The following SDHAF4 variants were observed in gnomAD, a reference collection of about 807,000 sequenced individuals.
SDHAF4 encodes the protein succinate dehydrogenase assembly factor 4, mitochondrial.
In SDHAF4, 14 loss-of-function variants were observed where a neutral mutation model predicts 14.3. The ratio of observed to expected loss-of-function variants is 0.98; its 90% confidence interval spans 0.65 to 1.53. SDHAF4 has a LOEUF of 1.53. SDHAF4 is among the 40% of genes most tolerant of loss of function. The pLI is 0.00. For synonymous variants in SDHAF4, 63 were observed against 47.3 expected (o/e 1.33, Z -1.36); for missense variants, 141 against 129.3 (o/e 1.09, Z -0.44).
At chr6:70,585,352 A>G (rs759049199) in intron 2 of SDHAF4, among the ~76,000 whole-genome samples, 3 of 152,188 alleles carry the variant, frequency 2.0e-5, no homozygotes, top group East Asian at 3.8e-4. Context: ...GCTGATGGGA[A>G]TCTCCTCATG....
rs141488169 is a variant in SDHAF4, at chr6:70,581,333, C to G, written c.217+1767C>G. 3.8e-3 allele frequency among the ~76,000 whole-genome samples: 579 copies of G among 151,886 alleles called. 3 individuals carry two copies. The highest frequency in any genetic ancestry group is 0.013 in the African/African-American group (546 of 41,408). ...CAGTAAAAAAAAAAGAAAGCAAAAACCTGCACTTTTCAAAAGCTAATCATC... is the reference window on the plus strand; with the variant it reads ...CAGTAAAAAAAAAAGAAAGCAAAAAGCTGCACTTTTCAAAAGCTAATCATC... On this transcript the variant is annotated intron_variant, in intron 2 of 2. Coordinates refer to ENST00000370474, the MANE Select transcript of SDHAF4 (RefSeq NM_145267.3).
In SDHAF4 at chr6:70,584,750, A is replaced by G. The variant is rs573277219; in HGVS notation, c.218-3865A>G. ...AGAGTGTGGGATTTGGAGGAGGAACATACTCAAAAAATAATAAAGTCCAGT... is the reference window on the plus strand; with the variant it reads ...AGAGTGTGGGATTTGGAGGAGGAACGTACTCAAAAAATAATAAAGTCCAGT... On this transcript the variant is annotated intron_variant, in intron 2 of 2. Coordinates refer to ENST00000370474, the MANE Select transcript of SDHAF4 (RefSeq NM_145267.3). 9.9e-5 allele frequency among the ~76,000 whole-genome samples: 15 copies of G among 152,206 alleles called. No individual in the cohort carries two copies. The South Asian group carries it at 2.9e-3, about 29-fold the overall frequency.
At chr6:70,589,579 T>G (rs1326553144), downstream of SDHAF4, 1 of 152,218 alleles carries the variant, frequency 6.6e-6, no homozygotes. Context: ...ATGATTGTGT[T>G]GCTGCGTGCT....
chr6:70,594,146 C>T (rs1341934030), downstream of SDHAF4, among the ~76,000 whole-genome samples: 2 of 152,096 alleles, frequency 1.3e-5, no homozygotes, highest in South Asian at 2.1e-4. Flanking sequence ...AAATTGTTTT[C>T]GCAGGATCAC....
chr6:70,590,167 G>A (rs528785580), downstream of SDHAF4, among the ~76,000 whole-genome samples: 2 of 152,194 alleles, frequency 1.3e-5, no homozygotes, highest in East Asian at 1.9e-4. Flanking sequence ...GAACCGGGGA[G>A]GCAGAGGTTG....
intron 1 of SDHAF4, among the ~76,000 whole-genome samples, chr6:70,574,326 AAAG>A (rs1225383154): frequency 5.9e-5 from 8 of 135,194 alleles, no homozygotes; most frequent in African/African-American, 2.8e-4. Context: ...TCTCAAAAAA[AAAG>A]AAAAAAAAAA....
At chr6:70,589,601 G>A (rs961315944), downstream of SDHAF4, 7 of 152,138 alleles carry the variant, frequency 4.6e-5, no homozygotes, top group African/African-American at 1.4e-4. Flanking sequence ...GGGGATAGTG[G>A]CTTTTAACAT....
chr6:70,570,106 A>G (rs1222122123), intron 1 of SDHAF4, among the ~76,000 whole-genome samples: 1 of 152,178 alleles, frequency 6.6e-6, no homozygotes, highest in Non-Finnish European at 1.5e-5. Flanking sequence ...CTATTTGTCT[A>G]TTCCTGTGCT....
rs557854983 is a variant in SDHAF4, at chr6:70,581,932, A to G, written c.217+2366A>G. On this transcript the variant is annotated intron_variant, in intron 2 of 2. Coordinates refer to ENST00000370474, the MANE Select transcript of SDHAF4 (RefSeq NM_145267.3). ...CATGCTTTCTTTAGTTTCTCACCCT[A>G]TTTCTTCACCAGTTTCTTCCTGGGC... is the stretch of plus-strand genomic sequence containing the variant. Among the ~76,000 whole-genome samples the G allele has an allele frequency of 1.1e-3, 161 of 151,838 alleles. 1 individual carries two copies. The Middle Eastern group carries it at 0.024, about 23-fold the overall frequency.
chr6:70,569,371 C>T (rs186426643), intron 1 of SDHAF4, among the ~76,000 whole-genome samples: 2 of 152,080 alleles, frequency 1.3e-5, no homozygotes, highest in African/African-American at 2.4e-5. Context: ...TGAGTTCAAA[C>T]GATTCTCCTG....
At chr6:70,567,233 C>T (rs1323156230) in intron 1 of SDHAF4, among the ~76,000 whole-genome samples, 2 of 152,188 alleles carry the variant, frequency 1.3e-5, no homozygotes, top group African/African-American at 4.8e-5. Context: ...CCCTTTCAGC[C>T]CCCGGGACGT....
chr6:70,567,200 C>T (rs527372741), intron 1 of SDHAF4, among the ~76,000 whole-genome samples, 196 bp downstream of exon 1: 225 of 152,328 alleles, frequency 1.5e-3, no homozygotes, highest in African/African-American at 4.8e-3. Flanking sequence ...TCGGGTGGGA[C>T]TAGAGCGAGA....
chr6:70,573,516 A>T lies in SDHAF4; in HGVS notation c.65-5898A>T, dbSNP rs144331203. ...TGACCTCAGGTGATCCACCTGCCTC[A>T]GCCTCCCAAATTGCTAGGATTACAG... On this transcript the variant is annotated intron_variant, in intron 1 of 2. Coordinates refer to ENST00000370474, the MANE Select transcript of SDHAF4 (RefSeq NM_145267.3). 3.3e-3 allele frequency among the ~76,000 whole-genome samples: 494 copies of T among 151,400 alleles called. 1 individual carries two copies. Among genetic ancestry groups the T allele is most frequent in the African/African-American group, 0.011 (445 of 41,228 alleles).
intron 2 of SDHAF4, among the ~76,000 whole-genome samples, chr6:70,587,199 A>ACACACACAC: frequency 1.3e-5 from 1 of 75,450 alleles, no homozygotes; most frequent in Non-Finnish European, 2.7e-5. Flanking sequence ...CACACACACA[A>ACACACACAC]GAATTAGGGG....
chr6:70,575,902 C>A (rs1463490757), intron 1 of SDHAF4, among the ~76,000 whole-genome samples: 3 of 151,836 alleles, frequency 2.0e-5, no homozygotes, highest in African/African-American at 7.3e-5. Context: ...TTAAAAGAGG[C>A]TTTTGTTTTA....
At chr6:70,587,078 G>T (rs554051230) in intron 2 of SDHAF4, among the ~76,000 whole-genome samples, 45 of 152,184 alleles carry the variant, frequency 3.0e-4, no homozygotes, top group Non-Finnish European at 1.8e-4. Context: ...GGCTGAGGCA[G>T]GAGAATCACT....
chr6:70,581,157 T>G (rs1364494383), intron 2 of SDHAF4, among the ~76,000 whole-genome samples: 2 of 152,088 alleles, frequency 1.3e-5, no homozygotes, highest in African/African-American at 4.8e-5. Context: ...CTTGAACTCC[T>G]GACCTCAAGT....
chr6:70,579,543 A>G lies in SDHAF4; in HGVS notation c.194A>G (p.His65Arg), dbSNP rs372300489. The change falls in exon 2 of 3, where the codon CAT (histidine) becomes CGT (arginine). Residue 65 changes from histidine (H) to arginine (R), a missense_variant. By Grantham distance (29) the His-to-Arg change is conservative. Coordinates refer to ENST00000370474, the MANE Select transcript of SDHAF4 (RefSeq NM_145267.3). ...EGRFDAPEDS[H>R]LEKEPLEKFP... ...CGTTTTGATGCACCAGAGGATTCCC[A>G]TTTAGAGAAAGAACCACTGGAAAGT... 1.2e-6 allele frequency: 2 copies of G among 1,608,280 alleles called. No individual in the cohort carries two copies. Among genetic ancestry groups the G allele is most frequent in the Admixed American group, 1.7e-5 (1 of 59,176 alleles).
chr6:70,593,581 C>T (rs1189413193), downstream of SDHAF4, among the ~76,000 whole-genome samples: 2 of 152,194 alleles, frequency 1.3e-5, no homozygotes, highest in African/African-American at 4.8e-5. Context: ...GCAAGCAAAG[C>T]CATAGGCATG....
Sources: gnomAD v4.1 joint callset for allele counts (sites outside exome capture counted in the v4.1 genomes callset) on GRCh38, gnomAD v4.1.1 for gene constraint, MANE v1.5 for transcripts, NCBI Gene and HGNC (gene_info 2026-07-23, HGNC 2026-07-21) for gene names.